PARN: variants seen among roughly 807,000 people sequenced by gnomAD.
The protein encoded by PARN is poly(A)-specific ribonuclease.
PARN carries 71 observed loss-of-function variants against 102.8 expected under a neutral mutation model. The observed-to-expected ratio is 0.69, with a 90% confidence interval of 0.57 to 0.84. PARN has a LOEUF of 0.84. PARN is among the 40% of genes least tolerant of loss of function. PARN has a pLI of 0.00. For missense variants in PARN, 782 were observed against 760.9 expected (o/e 1.03, Z -0.33); for synonymous variants, 261 against 252.9 (o/e 1.03, Z -0.30).
chr16:14,508,778 G>A (rs968908121), intron 21 of PARN, among the ~76,000 whole-genome samples: 1 of 151,446 alleles, frequency 6.6e-6, no homozygotes, highest in African/African-American at 2.4e-5. Flanking sequence ...ATTCTCAGGG[G>A]GCGGGGCATG....
intron 21 of PARN, among the ~76,000 whole-genome samples, chr16:14,528,076 GGACT>G (rs1267039570): frequency 1.3e-5 from 2 of 152,306 alleles, no homozygotes; most frequent in South Asian, 2.1e-4. Context: ...TGAATAATGA[GGACT>G]GACTGTATTT....
intron 1 of PARN, 64 bp from the exon 2 acceptor site, chr16:14,629,738 A>G: frequency 8.6e-7 from 1 of 1,157,754 alleles, no homozygotes; most frequent in Non-Finnish European, 1.3e-6. Flanking sequence ...GGGAGAGGGA[A>G]GGAGGGCCGA....
At chr16:14,596,867 A>AC (rs901307274) in intron 12 of PARN, among the ~76,000 whole-genome samples, 2 of 151,058 alleles carry the variant, frequency 1.3e-5, no homozygotes, top group African/African-American at 4.9e-5. Flanking sequence ...GGTTACTGCA[A>AC]CCCCCGCCTC....
Position 14,527,688 on chromosome 16 carries a change from T to C in PARN, c.1480+24333A>G, listed in dbSNP as rs1966081776. Among the ~76,000 whole-genome samples, 3 of 152,214 alleles carry C rather than the reference T, an allele frequency of 2.0e-5. No individual in the cohort carries two copies. The South Asian group carries it at 6.2e-4, about 31-fold the overall frequency. On this transcript the variant is annotated intron_variant, in intron 21 of 23. Transcript: ENST00000437198. ...AACTCATGGCCAAGAGCACTTTAAC[T>C]CATGTGTGAACAAAGCTCATCTAAC...
At chr16:14,611,090 G>T (rs1332777476) in intron 6 of PARN, among the ~76,000 whole-genome samples, 1 of 152,226 alleles carries the variant, frequency 6.6e-6, no homozygotes, top group African/African-American at 2.4e-5. Context: ...CTGCTCTGTA[G>T]TGAAGGGAAC....
intron 21 of PARN, among the ~76,000 whole-genome samples, chr16:14,512,577 G>C (rs1342037475): frequency 6.6e-6 from 1 of 152,158 alleles, no homozygotes; most frequent in African/African-American, 2.4e-5. Flanking sequence ...GTGTCTATGA[G>C]GAGGAGGCTC....
chr16:14,568,050 C>T (rs1968535476), intron 18 of PARN, among the ~76,000 whole-genome samples: 1 of 152,152 alleles, frequency 6.6e-6, no homozygotes, highest in South Asian at 2.1e-4. Context: ...GGGTCCTCAG[C>T]ACAGAACACA....
intron 21 of PARN, among the ~76,000 whole-genome samples, chr16:14,499,662 A>C (rs539329686): frequency 6.6e-6 from 1 of 152,258 alleles, no homozygotes; most frequent in South Asian, 2.1e-4. Flanking sequence ...TTAAACATTC[A>C]TTGTAAAAAC....
intron 8 of PARN, 98 bp downstream of exon 8, chr16:14,608,960 C>T (rs1224519660): frequency 1.5e-6 from 1 of 667,720 alleles, no homozygotes; most frequent in Non-Finnish European, 2.7e-6. Flanking sequence ...TAAAAAGACC[C>T]TTTATAAAGC....
chr16:14,590,258 G>A (rs1376876056), intron 13 of PARN, among the ~76,000 whole-genome samples: 6 of 126,346 alleles, frequency 4.7e-5, no homozygotes, highest in East Asian at 2.3e-4. Context: ...AAAAAAAAAA[G>A]GTAGGAAAGA....
At chr16:14,517,462 G>C (rs1379946636) in intron 21 of PARN, among the ~76,000 whole-genome samples, 1 of 152,200 alleles carries the variant, frequency 6.6e-6, no homozygotes, top group Non-Finnish European at 1.5e-5. Context: ...GTCTGGCCTA[G>C]ACCAGAACTG....
intron 21 of PARN, among the ~76,000 whole-genome samples, chr16:14,519,328 C>T (rs565332281): frequency 1.7e-4 from 4 of 24,092 alleles, no homozygotes; most frequent in East Asian, 1.5e-3. Flanking sequence ...GGGGAGGGGA[C>T]GTGAGTGGAG....
intron 22 of PARN, among the ~76,000 whole-genome samples, chr16:14,469,466 C>T (rs1345292377): frequency 6.6e-6 from 1 of 152,200 alleles, no homozygotes; most frequent in African/African-American, 2.4e-5. Context: ...GCACTATCAG[C>T]AAGCTGAATG....
At chr16:14,622,192 C>CA (rs1218902920) in intron 5 of PARN, among the ~76,000 whole-genome samples, 1 of 151,356 alleles carries the variant, frequency 6.6e-6, no homozygotes, top group African/African-American at 2.4e-5. Context: ...GACTCCGTCT[C>CA]AAAAAAAATA....
At chr16:14,487,292 A>C (rs1298800947) in intron 21 of PARN, among the ~76,000 whole-genome samples, 1 of 152,258 alleles carries the variant, frequency 6.6e-6, no homozygotes, top group Non-Finnish European at 1.5e-5. Flanking sequence ...TATACATTTT[A>C]ACAATGTTAA....
At chr16:14,468,883 A>ATAGC (rs1313554875) in intron 22 of PARN, among the ~76,000 whole-genome samples, 3 of 98,378 alleles carry the variant, frequency 3.0e-5, no homozygotes, top group African/African-American at 8.6e-5. Context: ...TACTAAATAG[A>ATAGC]TAGATAGATA....
chr16:14,493,855 T>C (rs1356064992), intron 21 of PARN, among the ~76,000 whole-genome samples: 1 of 152,206 alleles, frequency 6.6e-6, no homozygotes, highest in East Asian at 1.9e-4. Context: ...GCCTGGTGTT[T>C]TTCTTTTTCT....
chr16:14,618,687 C>T (rs977327918), intron 5 of PARN, among the ~76,000 whole-genome samples: 4 of 151,132 alleles, frequency 2.6e-5, no homozygotes, highest in African/African-American at 7.3e-5. Context: ...TTCCACTGGG[C>T]GAACGGATTA....
At chr16:14,592,612 A>C (rs1311276752) in intron 13 of PARN, among the ~76,000 whole-genome samples, 1 of 152,158 alleles carries the variant, frequency 6.6e-6, no homozygotes, top group Non-Finnish European at 1.5e-5. Context: ...ATCTAAGGGA[A>C]GCAGCCTAGC....
Sources: gnomAD v4.1 joint callset for allele counts (sites outside exome capture counted in the v4.1 genomes callset) on GRCh38, gnomAD v4.1.1 for gene constraint, MANE v1.5 for transcripts, NCBI Gene and HGNC (gene_info 2026-07-23, HGNC 2026-07-21) for gene names.